Variants in UMAD1 observed in about 807,000 individuals in gnomAD.
UMAD1 encodes the protein UBAP1-MVB12-associated (UMA)-domain containing protein 1.
A neutral mutation model predicts 6.1 loss-of-function variants in UMAD1; 8 were observed. The observed-to-expected ratio is 1.30, with a 90% CI of 0.76 to 2.35. The LOEUF (loss-of-function observed/expected upper bound fraction) is 2.35. Ranked by LOEUF, UMAD1 falls within the 30% of genes most tolerant of loss-of-function variation. The pLI is 0.00. For missense variants in UMAD1, 130 were observed against 78.4 expected, an observed-to-expected ratio of 1.66 and a Z score of -2.49; for synonymous variants, 56 against 31.4, an observed-to-expected ratio of 1.78 and a Z score of -2.61.
chr7:7,703,690 A>G (rs1780523983), intron 2 of UMAD1, among the ~76,000 whole-genome samples: 1 of 152,170 alleles, frequency 6.6e-6, no homozygotes, highest in Non-Finnish European at 1.5e-5. Flanking sequence ...CAGACATCTC[A>G]GCACTTTGGG....
chr7:7,769,708 G>A (rs1425871322), intron 2 of UMAD1, among the ~76,000 whole-genome samples: 1 of 152,210 alleles, frequency 6.6e-6, no homozygotes, highest in African/African-American at 2.4e-5. Flanking sequence ...CATGTCCTAC[G>A]ACGGAGTCCT....
intron 2 of UMAD1, chr7:7,738,900 TC>T (rs1781409606): frequency 6.6e-6 from 1 of 152,162 alleles, no homozygotes; most frequent in African/African-American, 2.4e-5. Flanking sequence ...GGGTGAGTGG[TC>T]TTAAGTTTTC....
intron 2 of UMAD1, chr7:7,718,657 T>C (rs1780980290): frequency 1.3e-5 from 2 of 152,198 alleles, no homozygotes; most frequent in Admixed American, 1.3e-4. Flanking sequence ...ATTTTAAAGT[T>C]CTTCTGATTA....
intron 2 of UMAD1, among the ~76,000 whole-genome samples, chr7:7,698,615 T>C (rs1284991928): frequency 6.6e-6 from 1 of 152,156 alleles, no homozygotes; most frequent in Non-Finnish European, 1.5e-5. Context: ...GATTCCACAG[T>C]TTTGACTATC....
At chr7:7,746,784 G>T (rs17137154) in intron 2 of UMAD1, among the ~76,000 whole-genome samples, 9,483 of 152,200 alleles carry the variant, frequency 0.062, 387 homozygotes, top group Middle Eastern at 0.13. Context: ...TCGCTAAAAA[G>T]GCCACCTTAT....
At chr7:7,829,148 T>C (rs1218131068) in intron 3 of UMAD1, among the ~76,000 whole-genome samples, 4 of 152,204 alleles carry the variant, frequency 2.6e-5, no homozygotes, top group African/African-American at 9.6e-5. Context: ...GACTTGGCCT[T>C]GTATAGGGCG....
intron 3 of UMAD1, among the ~76,000 whole-genome samples, chr7:7,871,479 TTG>T (rs1784331511): frequency 6.6e-6 from 1 of 152,188 alleles, no homozygotes. Context: ...CAGTTTCCTC[TTG>T]TCTTTAATAC....
chr7:7,801,785 A>G, intron 3 of UMAD1, 42 bp downstream of exon 3: 1 of 715,126 alleles, frequency 1.4e-6, no homozygotes, highest in Non-Finnish European at 2.6e-6. Flanking sequence ...AAACTGAACA[A>G]GTCACTATGA....
intron 3 of UMAD1, among the ~76,000 whole-genome samples, chr7:7,812,695 T>C (rs1044944007): frequency 6.6e-6 from 1 of 152,224 alleles, no homozygotes; most frequent in Non-Finnish European, 1.5e-5. Flanking sequence ...AGTCACCTTG[T>C]TGTCATTGTT....
At chr7:7,803,514 C>A (rs1456436177) in intron 3 of UMAD1, among the ~76,000 whole-genome samples, 1 of 152,100 alleles carries the variant, frequency 6.6e-6, no homozygotes, top group Non-Finnish European at 1.5e-5. Flanking sequence ...AGATAACCAC[C>A]AGGATGGTTC....
intron 3 of UMAD1, 136 bp from the exon 4 acceptor site, chr7:7,877,145 A>G: frequency 1.7e-6 from 1 of 604,446 alleles, no homozygotes; most frequent in Admixed American, 2.9e-5. Flanking sequence ...AAAGTAAAGT[A>G]AAGAGCTGCG....
intron 3 of UMAD1, among the ~76,000 whole-genome samples, chr7:7,826,455 T>G (rs1783343419): frequency 6.6e-6 from 1 of 152,130 alleles, no homozygotes. Context: ...TGATAAAACT[T>G]TAGGTAAATT....
At chr7:7,776,226 T>G (rs1163270131) in intron 2 of UMAD1, among the ~76,000 whole-genome samples, 1 of 152,148 alleles carries the variant, frequency 6.6e-6, no homozygotes, top group Non-Finnish European at 1.5e-5. Context: ...CTTGAGAGGC[T>G]AAGGCAGAAT....
At chr7:7,641,664 G>A (rs1563074743) in intron 1 of UMAD1, 3 of 152,202 alleles carry the variant, frequency 2.0e-5, no homozygotes, top group East Asian at 1.9e-4. Context: ...GGCCTTGCCA[G>A]GAGTATTCTA....
intron 1 of UMAD1, among the ~76,000 whole-genome samples, chr7:7,659,540 T>C (rs1162627213): frequency 6.6e-6 from 1 of 152,200 alleles, no homozygotes; most frequent in Non-Finnish European, 1.5e-5. Flanking sequence ...ACATCTTTAT[T>C]TCTGCCTTAA....
At chr7:7,666,090 A>G (rs1779445982) in intron 1 of UMAD1, among the ~76,000 whole-genome samples, 1 of 152,222 alleles carries the variant, frequency 6.6e-6, no homozygotes. Flanking sequence ...ACTGTTGTCC[A>G]CAGTGGCTGT....
intron 3 of UMAD1, among the ~76,000 whole-genome samples, chr7:7,812,193 T>A (rs12702657): frequency 0.8 from 121,491 of 152,102 alleles, 48,559 homozygotes; most frequent in Middle Eastern, 0.85. Context: ...AGCCAGTGAG[T>A]CCAAACCATG....
In UMAD1 at chr7:7,731,429, A is replaced by C. The variant is rs190348024; in HGVS notation, c.82+57976A>C. On this transcript the variant is annotated intron_variant, in intron 2 of 3. Transcript: ENST00000682710. ...AAGAAATGATGATGTCCTGGACTAAAGTGATAGCAGTGAGGAAGAAAAAGG... is the reference window on the plus strand; with the variant it reads ...AAGAAATGATGATGTCCTGGACTAACGTGATAGCAGTGAGGAAGAAAAAGG... 2.0e-5 allele frequency among the ~76,000 whole-genome samples: 3 copies of C among 151,412 alleles called. No individual in the cohort carries two copies. In the East Asian group the frequency reaches 5.8e-4, roughly 29 times the overall value.
At chr7:7,644,024 A>AT (rs1179350963) in intron 1 of UMAD1, among the ~76,000 whole-genome samples, 1 of 152,014 alleles carries the variant, frequency 6.6e-6, no homozygotes, top group Non-Finnish European at 1.5e-5. Context: ...TAAAAAAATG[A>AT]TTTCCCCAAA....
Sources: allele counts gnomAD v4.1 joint callset (sites outside exome capture counted in the v4.1 genomes callset), GRCh38; gene constraint gnomAD v4.1.1; transcripts MANE v1.5; gene names NCBI Gene and HGNC (gene_info 2026-07-23, HGNC 2026-07-21).